Variants in LRP1B observed in about 807,000 individuals in gnomAD.
The protein encoded by LRP1B is LDL receptor related protein 1B, also known as low-density lipoprotein receptor-related protein 1B.
Under a neutral mutation model 556.6 loss-of-function variants are expected in LRP1B, and 217 were observed. The observed-to-expected ratio is 0.39, with a 90% CI of 0.35 to 0.44. LRP1B has a LOEUF of 0.44. Ranked by LOEUF, LRP1B falls within the 20% of genes least tolerant of loss-of-function variation. The pLI is 1.00. For synonymous variants in LRP1B, 2,047 were observed against 1,865.8 expected (o/e 1.10, Z -2.50); for missense variants, 5,053 against 5,620.8 (o/e 0.90, Z 3.23).
chr2:140,580,836 T>C (rs925764233), intron 43 of LRP1B, among the ~76,000 whole-genome samples: 2 of 151,986 alleles, frequency 1.3e-5, no homozygotes, highest in East Asian at 1.9e-4. Context: ...CAACAGTCTA[T>C]GGGGAGGGCT....
chr2:141,938,967 G>A (rs2105010425), intron 1 of LRP1B, among the ~76,000 whole-genome samples: 1 of 152,122 alleles, frequency 6.6e-6, no homozygotes, highest in East Asian at 1.9e-4. Context: ...GAAATAGAGT[G>A]TTGAACTGTG....
At chr2:141,724,418 G>A (rs1439149212) in intron 2 of LRP1B, among the ~76,000 whole-genome samples, 1 of 151,770 alleles carries the variant, frequency 6.6e-6, no homozygotes, top group Admixed American at 6.6e-5. Context: ...AAGGGATGTG[G>A]AACTTAGAAC....
chr2:140,959,013 G>C (rs1048047383), intron 18 of LRP1B, among the ~76,000 whole-genome samples: 4 of 150,982 alleles, frequency 2.6e-5, no homozygotes, highest in African/African-American at 9.7e-5. Flanking sequence ...AGTGTTCAGC[G>C]CTGCTCAGAT....
At chr2:140,297,162 G>A (rs113765317) in intron 84 of LRP1B, among the ~76,000 whole-genome samples, 2,573 of 152,196 alleles carry the variant, frequency 0.017, 76 homozygotes, top group African/African-American at 0.059. Flanking sequence ...CAAGTACATG[G>A]GCATAGGAGA....
intron 7 of LRP1B, among the ~76,000 whole-genome samples, chr2:141,114,727 G>A (rs540660404): frequency 1.2e-4 from 19 of 152,176 alleles, no homozygotes; most frequent in African/African-American, 4.3e-4. Context: ...CTTGAAGGTG[G>A]GGCCTTTCCT....
intron 1 of LRP1B, among the ~76,000 whole-genome samples, chr2:142,060,180 G>A (rs1277897770): frequency 6.6e-6 from 1 of 151,998 alleles, no homozygotes; most frequent in Non-Finnish European, 1.5e-5. Flanking sequence ...GAGAAATGAT[G>A]GTTTTGGATG....
intron 77 of LRP1B, among the ~76,000 whole-genome samples, chr2:140,340,361 A>G (rs887852001): frequency 6.6e-6 from 1 of 151,634 alleles, no homozygotes; most frequent in East Asian, 1.9e-4. Context: ...TAACAGTTTG[A>G]AATATTATCC....
At chr2:141,193,457 C>A (rs1574177002) in intron 6 of LRP1B, among the ~76,000 whole-genome samples, 2 of 152,026 alleles carry the variant, frequency 1.3e-5, no homozygotes, top group East Asian at 3.9e-4. Context: ...ATGAATGGAG[C>A]TGGAGGTTAT....
chr2:141,517,084 C>G (rs1684347848), intron 2 of LRP1B, among the ~76,000 whole-genome samples: 1 of 146,452 alleles, frequency 6.8e-6, no homozygotes. Context: ...AAGTCAAATT[C>G]TCTTTCTCCA....
chr2:140,386,447 T>G (rs768359257), intron 66 of LRP1B, among the ~76,000 whole-genome samples: 2 of 152,198 alleles, frequency 1.3e-5, no homozygotes, highest in Non-Finnish European at 2.9e-5. Flanking sequence ...CTTGTCTTTC[T>G]CCCTAAGGAG....
At chr2:140,417,580 G>T (rs986932502) in intron 66 of LRP1B, among the ~76,000 whole-genome samples, 1 of 152,156 alleles carries the variant, frequency 6.6e-6, no homozygotes. Context: ...CAACACCACA[G>T]CTGCAGAACT....
intron 3 of LRP1B, among the ~76,000 whole-genome samples, chr2:141,462,307 C>CA: frequency 6.6e-6 from 1 of 152,232 alleles, no homozygotes; most frequent in Admixed American, 6.5e-5. Flanking sequence ...TAAAGCTGAG[C>CA]ATTTATTTGA....
At chr2:140,235,031 C>T (rs917282504) in intron 89 of LRP1B, 147 bp from the exon 90 acceptor site, 6 of 423,246 alleles carry the variant, frequency 1.4e-5, no homozygotes, top group Non-Finnish European at 2.5e-5. Context: ...GCTTTAACAA[C>T]TTAAAACAAC....
At chr2:141,152,511 AG>A (rs1204715688) in intron 7 of LRP1B, among the ~76,000 whole-genome samples, 3 of 151,982 alleles carry the variant, frequency 2.0e-5, no homozygotes, top group Non-Finnish European at 4.4e-5. Context: ...GCCAGTAAAT[AG>A]AAAACAGGAA....
intron 27 of LRP1B, among the ~76,000 whole-genome samples, chr2:140,858,043 T>A (rs192948453): frequency 1.3e-5 from 2 of 152,142 alleles, no homozygotes; most frequent in African/African-American, 4.8e-5. Flanking sequence ...TCCTTGGAGA[T>A]GGTGGTGATT....
chr2:141,752,112 A>G (rs1694137108), intron 2 of LRP1B, among the ~76,000 whole-genome samples: 1 of 152,084 alleles, frequency 6.6e-6, no homozygotes, highest in African/African-American at 2.4e-5. Flanking sequence ...ATAGAGGACT[A>G]TAATTTGTTT....
At chr2:141,470,730 T>C (rs190296440) in intron 3 of LRP1B, among the ~76,000 whole-genome samples, 9 of 152,266 alleles carry the variant, frequency 5.9e-5, no homozygotes, top group Admixed American at 5.2e-4. Context: ...AACCAAATAA[T>C]GAATCATACG....
chr2:141,060,110 A>G, intron 8 of LRP1B, among the ~76,000 whole-genome samples: 1 of 151,956 alleles, frequency 6.6e-6, no homozygotes, highest in East Asian at 1.9e-4. Context: ...TAACCAGAAA[A>G]TCTTGCCAGT....
chr2:141,792,031 C>G (rs1695631759), intron 2 of LRP1B, among the ~76,000 whole-genome samples: 1 of 129,774 alleles, frequency 7.7e-6, no homozygotes, highest in Non-Finnish European at 1.6e-5. Context: ...AATTAATATT[C>G]CATTCATTTT....
Sources: gnomAD v4.1 joint callset for allele counts (sites outside exome capture counted in the v4.1 genomes callset) on GRCh38, gnomAD v4.1.1 for gene constraint, MANE v1.5 for transcripts, NCBI Gene and HGNC (gene_info 2026-07-23, HGNC 2026-07-21) for gene names.